The following VTI1A variants were observed in gnomAD, a reference collection of about 807,000 sequenced individuals.
VTI1A encodes vesicle transport through interaction with t-SNAREs 1A, also known as vesicle transport through interaction with t-SNAREs homolog 1A.
VTI1A carries 22 observed loss-of-function variants against 34.9 expected under a neutral mutation model. That is an observed-to-expected ratio of 0.63 (90% CI 0.45 to 0.90). VTI1A has a LOEUF of 0.90. Among genes scored for constraint, VTI1A ranks in the 40% least tolerant of loss-of-function variants. The pLI is 0.00. For synonymous variants in VTI1A, 87 were observed against 97.3 expected, an observed-to-expected ratio of 0.89 and a Z score of 0.62; for missense variants, 268 against 275.6, an observed-to-expected ratio of 0.97 and a Z score of 0.20.
the VTI1A span, among the ~76,000 whole-genome samples, chr10:112,830,822 C>CATATATATATATATATATAT: frequency 2.3e-3 from 128 of 54,678 alleles, 3 homozygotes; most frequent in Admixed American, 3.6e-3. Flanking sequence ...CTAAAACCCT[C>CATATATATATATATATATAT]ATATATATAT....
intron 4 of VTI1A, among the ~76,000 whole-genome samples, chr10:112,537,754 A>G (rs1346125517): frequency 1.3e-5 from 2 of 152,204 alleles, no homozygotes; most frequent in Non-Finnish European, 2.9e-5. Flanking sequence ...GCTGTTCTAT[A>G]TAGCATCTTG....
At position 112,687,218 on chromosome 10, in the gene VTI1A, A is replaced by ATT. The variant is rs1564883856; in HGVS notation, c.560+18220_560+18221insTT. On this transcript the variant is annotated intron_variant, in intron 7 of 7. Coordinates refer to ENST00000393077, the MANE Select transcript of VTI1A (RefSeq NM_145206.4). Reference sequence around the variant, plus strand: ...ACAAAACAGGCCTAGGCATACTACAACTTTTTTTTTTTTTTTTTTTTTTTT... The same window carrying ATT: ...ACAAAACAGGCCTAGGCATACTACAATTCTTTTTTTTTTTTTTTTTTTTTTTT... Among the ~76,000 whole-genome samples the ATT allele has an allele frequency of 1.1e-3, 135 of 124,208 alleles. 1 individual carries two copies. The highest frequency in any genetic ancestry group is 3.9e-3 in the African/African-American group (126 of 31,974). The allele number at this position is 124,208 out of a possible 152,430, so 81.5% of individuals were successfully genotyped here. A position where few individuals can be genotyped will look rare whatever the true frequency, so the allele number is the denominator to read the frequency against.
chr10:112,587,537 AT>A (rs1176956419), intron 5 of VTI1A, among the ~76,000 whole-genome samples: 1 of 152,170 alleles, frequency 6.6e-6, no homozygotes, highest in Non-Finnish European at 1.5e-5. Context: ...TGAAGACCAA[AT>A]GGCTATGTTA....
intron 3 of VTI1A, among the ~76,000 whole-genome samples, chr10:112,487,897 G>A (rs1321190636): frequency 6.6e-6 from 1 of 152,102 alleles, no homozygotes; most frequent in Non-Finnish European, 1.5e-5. Context: ...AGGTATATTG[G>A]TAGTAATTTG....
intron 7 of VTI1A, among the ~76,000 whole-genome samples, chr10:112,746,551 T>C (rs1590145124): frequency 1.3e-5 from 2 of 152,306 alleles, no homozygotes; most frequent in East Asian, 3.9e-4. Context: ...AGGCCACTTG[T>C]TCCAGAAGAA....
intron 7 of VTI1A, among the ~76,000 whole-genome samples, chr10:112,716,500 T>C (rs1357838640): frequency 6.6e-6 from 1 of 152,110 alleles, no homozygotes; most frequent in Non-Finnish European, 1.5e-5. Flanking sequence ...CTTAGCTAAG[T>C]TGGGGTTCCT....
chr10:112,622,628 A>C (rs942512930), intron 5 of VTI1A, among the ~76,000 whole-genome samples: 2 of 152,310 alleles, frequency 1.3e-5, no homozygotes, highest in East Asian at 3.9e-4. Context: ...CAATTCCTAT[A>C]ATTTAGATTT....
At chr10:112,523,698 C>A (rs1343725199) in intron 3 of VTI1A, among the ~76,000 whole-genome samples, 5 of 151,950 alleles carry the variant, frequency 3.3e-5, no homozygotes, top group Non-Finnish European at 7.4e-5. Context: ...CTCCAGAAGC[C>A]ACATATAAAG....
intron 7 of VTI1A, among the ~76,000 whole-genome samples, chr10:112,682,882 T>G (rs1277850086): frequency 6.6e-6 from 1 of 152,236 alleles, no homozygotes; most frequent in South Asian, 2.1e-4. Context: ...AGCAAACAGG[T>G]GTTCCTGGGA....
chr10:112,785,346 G>A (rs888004607), intron 7 of VTI1A, among the ~76,000 whole-genome samples: 3 of 152,290 alleles, frequency 2.0e-5, no homozygotes. Flanking sequence ...AGGCAGCTCT[G>A]GAGCTTGTAA....
chr10:112,533,650 T>A, intron 4 of VTI1A: 1 of 716,722 alleles, frequency 1.4e-6, no homozygotes, highest in Non-Finnish European at 1.7e-6. Flanking sequence ...TTTTTCCAGG[T>A]AAATCTATAC....
chr10:112,774,001 T>C (rs1851886552), intron 7 of VTI1A, among the ~76,000 whole-genome samples: 1 of 152,148 alleles, frequency 6.6e-6, no homozygotes, highest in Non-Finnish European at 1.5e-5. Flanking sequence ...AGCTCCCTTA[T>C]TTGGCAAAAG....
At chr10:112,715,280 G>A (rs932202183) in intron 7 of VTI1A, among the ~76,000 whole-genome samples, 20 of 152,062 alleles carry the variant, frequency 1.3e-4, no homozygotes, top group African/African-American at 4.6e-4. Flanking sequence ...GCACCTAAAT[G>A]AATAATCTAA....
chr10:112,480,103 C>G (rs1485621148), intron 3 of VTI1A, among the ~76,000 whole-genome samples: 1 of 152,166 alleles, frequency 6.6e-6, no homozygotes, highest in Non-Finnish European at 1.5e-5. Context: ...ATACTGAGAA[C>G]TTGGCCTAGA....
chr10:112,471,109 T>C (rs1848060006), intron 3 of VTI1A, among the ~76,000 whole-genome samples: 1 of 152,192 alleles, frequency 6.6e-6, no homozygotes, highest in East Asian at 1.9e-4. Flanking sequence ...TCTGAATAGC[T>C]ATCTCAAAAA....
At chr10:112,705,949 G>A (rs1468119132) in intron 7 of VTI1A, among the ~76,000 whole-genome samples, 1 of 152,080 alleles carries the variant, frequency 6.6e-6, no homozygotes, top group African/African-American at 2.4e-5. Flanking sequence ...TTCTTTTGTC[G>A]TTGTTGTTTT....
At chr10:112,483,191 AG>A (rs1326395757) in intron 3 of VTI1A, among the ~76,000 whole-genome samples, 1 of 152,182 alleles carries the variant, frequency 6.6e-6, no homozygotes, top group Admixed American at 6.5e-5. Context: ...GAATCTAGAA[AG>A]TACTAAGAAA....
chr10:112,734,213 C>T (rs146292443), intron 7 of VTI1A, among the ~76,000 whole-genome samples: 33 of 152,226 alleles, frequency 2.2e-4, no homozygotes, highest in African/African-American at 7.7e-4. Flanking sequence ...ACCAGCAGGC[C>T]AAGGCTGCCC....
intron 5 of VTI1A, among the ~76,000 whole-genome samples, chr10:112,545,186 T>C (rs927109670): frequency 6.6e-6 from 1 of 152,236 alleles, no homozygotes; most frequent in African/African-American, 2.4e-5. Flanking sequence ...ACAAAGAGCT[T>C]GAAATTTATC....
Sources: gnomAD v4.1 joint callset for allele counts (sites outside exome capture counted in the v4.1 genomes callset) on GRCh38, gnomAD v4.1.1 for gene constraint, MANE v1.5 for transcripts, NCBI Gene and HGNC (gene_info 2026-07-23, HGNC 2026-07-21) for gene names.